Variants in PIK3CB observed in about 807,000 individuals in gnomAD.
PIK3CB encodes the protein phosphatidylinositol 4,5-bisphosphate 3-kinase catalytic subunit beta isoform.
Under a neutral mutation model 136.8 loss-of-function variants are expected in PIK3CB, and 39 were observed. The observed-to-expected ratio is 0.29, with a 90% CI of 0.22 to 0.37. The LOEUF (loss-of-function observed/expected upper bound fraction) is 0.37, where lower values mean the gene tolerates loss of function less well. Ranked by LOEUF, PIK3CB falls within the 10% of genes least tolerant of loss-of-function variation. The pLI is 1.00. For missense variants in PIK3CB, 868 were observed against 1,275.4 expected (o/e 0.68, Z 4.87); for synonymous variants, 428 against 436.6 (o/e 0.98, Z 0.25).
rs552334002 is a variant in PIK3CB, at chr3:138,729,770, T to C, written c.1050+3591A>G. On this transcript the variant is annotated intron_variant, in intron 8 of 23. Transcript: ENST00000674063. ...CTCCAGTTGCCCACCTCCATAATCA[T>C]TTAAGTCAATTTCTTATAATAAATC... Among the ~76,000 whole-genome samples, 16 of 152,282 alleles carry C rather than the reference T, an allele frequency of 1.1e-4. No individual in the cohort carries two copies. In the South Asian group the frequency reaches 3.1e-3, roughly 30 times the overall value.
At chr3:138,749,960 A>G (rs2045436236) in intron 4 of PIK3CB, among the ~76,000 whole-genome samples, 1 of 152,068 alleles carries the variant, frequency 6.6e-6, no homozygotes, top group African/African-American at 2.4e-5. Flanking sequence ...TGGAGCCTCA[A>G]CCTCTGGGCT....
chr3:138,805,330 C>T (rs1263631612), intron 1 of PIK3CB, among the ~76,000 whole-genome samples: 2 of 151,324 alleles, frequency 1.3e-5, no homozygotes, highest in African/African-American at 4.9e-5. Context: ...GAGACTCCAT[C>T]TCAAAAACAA....
chr3:138,759,474 G>T (rs2045631471), intron 2 of PIK3CB, 115 bp from the exon 3 acceptor site: 5 of 584,522 alleles, frequency 8.6e-6, no homozygotes, highest in Non-Finnish European at 1.2e-5. Context: ...AGCCAATAAT[G>T]TAACAGGAGG....
chr3:138,812,129 T>A (rs1472615912), intron 1 of PIK3CB, among the ~76,000 whole-genome samples: 35 of 151,978 alleles, frequency 2.3e-4, no homozygotes, highest in Non-Finnish European at 1.5e-5. Context: ...ATGATTTCAT[T>A]TATATAACAT....
At chr3:138,765,659 A>G (rs552119572) in intron 2 of PIK3CB, among the ~76,000 whole-genome samples, 1 of 145,748 alleles carries the variant, frequency 6.9e-6, no homozygotes, top group African/African-American at 2.5e-5. Flanking sequence ...CCTGGACAAC[A>G]TGGCAAAACC....
At chr3:138,776,922 CAAAAA>C (rs11435742) in intron 2 of PIK3CB, among the ~76,000 whole-genome samples, 7 of 57,400 alleles carry the variant, frequency 1.2e-4, no homozygotes, top group African/African-American at 2.3e-4. Context: ...GACTCTACCT[CAAAAA>C]AAAAAAAAAA....
intron 2 of PIK3CB, among the ~76,000 whole-genome samples, chr3:138,785,043 G>GC (rs1316979380): frequency 6.6e-6 from 1 of 151,858 alleles, no homozygotes; most frequent in African/African-American, 2.4e-5. Context: ...CCCCGCAGCC[G>GC]CCCCGTCTGG....
intron 19 of PIK3CB, among the ~76,000 whole-genome samples, chr3:138,667,286 A>G (rs895265260): frequency 1.3e-5 from 2 of 151,612 alleles, no homozygotes; most frequent in Non-Finnish European, 2.9e-5. Context: ...GGGGGAGCAC[A>G]ACAGAAAGAT....
At chr3:138,790,631 C>T (rs1240571820) in intron 2 of PIK3CB, among the ~76,000 whole-genome samples, 1 of 146,650 alleles carries the variant, frequency 6.8e-6, no homozygotes, top group Non-Finnish European at 1.5e-5. Flanking sequence ...AGTGAAACCC[C>T]ATCTCTACTA....
chr3:138,663,635 G>T lies in PIK3CB; in HGVS notation c.2796+271C>A, dbSNP rs1434234100. 7.9e-5 allele frequency among the ~76,000 whole-genome samples: 12 copies of T among 152,212 alleles called. 1 individual carries two copies. The South Asian group carries it at 2.1e-3, about 26-fold the overall frequency. Reference sequence around the variant, plus strand: ...GACCTCAGGTAATCCGGCCGGCTCGGGATCCCAAAGTGCTGGGATTACAGG... The same window carrying T: ...GACCTCAGGTAATCCGGCCGGCTCGTGATCCCAAAGTGCTGGGATTACAGG... On this transcript the variant is annotated intron_variant, in intron 21 of 23. Transcript: ENST00000674063.
In PIK3CB at chr3:138,830,948, T is replaced by TAATAAA. The variant is rs1934004706; in HGVS notation, c.-122+3741_-122+3746dup. ...ATAATAATAATAATAATAATAATAATAATAAAGCAGGAACTCACTTTCCTC... is the reference window on the plus strand; with the variant it reads ...ATAATAATAATAATAATAATAATAATAATAAAAATAAAGCAGGAACTCACTTTCCTC... On this transcript the variant is annotated intron_variant, in intron 1 of 23. Transcript: ENST00000674063. Among the ~76,000 whole-genome samples the TAATAAA allele has an allele frequency of 2.8e-5, 4 of 141,118 alleles. No individual in the cohort carries two copies. The South Asian group carries it at 8.6e-4, about 31-fold the overall frequency. The allele number at this position is 141,118 out of a possible 152,430, so 92.6% of individuals were successfully genotyped here.
intron 1 of PIK3CB, among the ~76,000 whole-genome samples, chr3:138,807,072 T>C (rs2046242455): frequency 6.6e-6 from 1 of 152,214 alleles, no homozygotes; most frequent in Non-Finnish European, 1.5e-5. Context: ...CTTCATTGTT[T>C]CTGGTCACAA....
chr3:138,712,081 G>A (rs1433046547), intron 10 of PIK3CB, 127 bp downstream of exon 10: 15 of 461,522 alleles, frequency 3.3e-5, no homozygotes, highest in Non-Finnish European at 5.3e-5. Context: ...ATCTATTTTA[G>A]AATAAATAAT....
At chr3:138,829,335 T>A (rs544745480) in intron 1 of PIK3CB, among the ~76,000 whole-genome samples, 9 of 152,040 alleles carry the variant, frequency 5.9e-5, no homozygotes, top group African/African-American at 1.7e-4. Flanking sequence ...GTAATGAGAA[T>A]CCACTGGAAC....
chr3:138,811,432 CTT>C (rs1209224609), intron 1 of PIK3CB, among the ~76,000 whole-genome samples: 4 of 141,616 alleles, frequency 2.8e-5, no homozygotes, highest in Non-Finnish European at 3.1e-5. Context: ...AGAAAATTAC[CTT>C]TTTTTTTTTT....
chr3:138,677,493 C>T (rs184733234), intron 19 of PIK3CB, among the ~76,000 whole-genome samples: 150 of 152,074 alleles, frequency 9.9e-4, no homozygotes, highest in Admixed American at 2.4e-3. Flanking sequence ...TTCACTGTAA[C>T]GAATAATATA....
At chr3:138,801,908 T>C (rs1358779238) in intron 1 of PIK3CB, among the ~76,000 whole-genome samples, 2 of 146,998 alleles carry the variant, frequency 1.4e-5, no homozygotes, top group South Asian at 4.3e-4. Context: ...TAGCTGGGTG[T>C]GTTGGTGCAC....
intron 8 of PIK3CB, among the ~76,000 whole-genome samples, chr3:138,722,221 G>GACACACACACACAC (rs56139182): frequency 2.1e-5 from 3 of 144,162 alleles, no homozygotes; most frequent in African/African-American, 7.8e-5. Flanking sequence ...CTATGTAAGA[G>GACACACACACACAC]ACACACACAC....
At chr3:138,830,954 A>AAG in intron 1 of PIK3CB, among the ~76,000 whole-genome samples, 2 of 138,656 alleles carry the variant, frequency 1.4e-5, no homozygotes, top group South Asian at 2.3e-4. Context: ...ATAATAATAA[A>AAG]GCAGGAACTC....
Sources: gnomAD v4.1 joint callset for allele counts (sites outside exome capture counted in the v4.1 genomes callset) on GRCh38, gnomAD v4.1.1 for gene constraint, MANE v1.5 for transcripts, NCBI Gene and HGNC (gene_info 2026-07-23, HGNC 2026-07-21) for gene names.